ELAVL2: variants seen among roughly 807,000 people sequenced by gnomAD.
ELAVL2 encodes the protein ELAV-like protein 2.
Under a neutral mutation model 34.6 loss-of-function variants are expected in ELAVL2, and 4 were observed. The observed-to-expected ratio is 0.12, with a 90% confidence interval of 0.06 to 0.26. ELAVL2 has a LOEUF of 0.26. Among genes scored for constraint, ELAVL2 ranks in the 10% least tolerant of loss-of-function variants. The pLI is 1.00. For missense variants in ELAVL2, 432 were observed against 442.8 expected, an observed-to-expected ratio of 0.98 and a Z score of 0.22; for synonymous variants, 193 against 154.8, an observed-to-expected ratio of 1.25 and a Z score of -1.83.
the ELAVL2 span, among the ~76,000 whole-genome samples, chr9:23,835,019 G>A: frequency 6.6e-6 from 1 of 152,012 alleles, no homozygotes; most frequent in Non-Finnish European, 1.5e-5. Flanking sequence ...GGGCATAACA[G>A]AGGCATTAGG....
rs1337665532 is a variant in ELAVL2, at chr9:23,754,284, T to A, written c.229+7722A>T. 2.0e-5 allele frequency among the ~76,000 whole-genome samples: 3 copies of A among 152,262 alleles called. No homozygotes were observed. In the South Asian group the frequency reaches 6.2e-4, roughly 32 times the overall value. On this transcript the variant is annotated intron_variant, in intron 2 of 6. Coordinates refer to ENST00000397312, the MANE Select transcript of ELAVL2 (RefSeq NM_004432.5). Reference sequence around the variant, plus strand: ...ATACTTTTCTGTATCCTCAAATAGATGTTTCTTCATCCTAGCAACTAGCCA... The same window carrying A: ...ATACTTTTCTGTATCCTCAAATAGAAGTTTCTTCATCCTAGCAACTAGCCA...
chr9:23,697,050 GA>G (rs1391652891), intron 5 of ELAVL2, among the ~76,000 whole-genome samples: 1 of 152,008 alleles, frequency 6.6e-6, no homozygotes, highest in Admixed American at 6.6e-5. Flanking sequence ...AGCAATCATC[GA>G]AGGGGAGAGG....
At chr9:23,780,185 A>G (rs754806408) in intron 1 of ELAVL2, among the ~76,000 whole-genome samples, 20 of 151,998 alleles carry the variant, frequency 1.3e-4, no homozygotes, top group Non-Finnish European at 2.4e-4. Context: ...TGAACTGAGA[A>G]CAGATCAACA....
At chr9:23,811,670 T>C (rs2063022852) in intron 1 of ELAVL2, among the ~76,000 whole-genome samples, 1 of 152,186 alleles carries the variant, frequency 6.6e-6, no homozygotes, top group African/African-American at 2.4e-5. Flanking sequence ...TGCTGGCACA[T>C]AATGTTGTCA....
chr9:23,762,760 T>C (rs1401257992), intron 1 of ELAVL2, among the ~76,000 whole-genome samples: 1 of 152,152 alleles, frequency 6.6e-6, no homozygotes, highest in Non-Finnish European at 1.5e-5. Flanking sequence ...AAGAGTACTT[T>C]TAAAAATATA....
At chr9:23,808,113 C>G (rs1023749988) in intron 1 of ELAVL2, among the ~76,000 whole-genome samples, 2 of 152,142 alleles carry the variant, frequency 1.3e-5, no homozygotes, top group East Asian at 3.9e-4. Flanking sequence ...GGACCTCTGT[C>G]TATCCTTATG....
the ELAVL2 span, among the ~76,000 whole-genome samples, chr9:23,833,552 T>G: frequency 6.6e-6 from 1 of 151,830 alleles, no homozygotes; most frequent in Non-Finnish European, 1.5e-5. Context: ...TAAGATAATT[T>G]TAAGAAGTGA....
intron 5 of ELAVL2, among the ~76,000 whole-genome samples, chr9:23,695,999 A>G (rs2035047309): frequency 6.6e-6 from 1 of 152,152 alleles, no homozygotes; most frequent in Non-Finnish European, 1.5e-5. Flanking sequence ...CCTCCAAATT[A>G]TGATAGGGCA....
intron 5 of ELAVL2, among the ~76,000 whole-genome samples, chr9:23,700,798 C>A (rs118171352): frequency 0.016 from 2,394 of 152,050 alleles, 28 homozygotes; most frequent in Non-Finnish European, 0.025. Flanking sequence ...AGGTTATATA[C>A]CCTTAATGGT....
intron 1 of ELAVL2, among the ~76,000 whole-genome samples, chr9:23,808,932 A>C (rs796746343): frequency 2.9e-4 from 44 of 152,312 alleles, no homozygotes; most frequent in African/African-American, 1.0e-3. Flanking sequence ...ATTTTACCCA[A>C]CAAAATCTCT....
chr9:23,729,206 T>G (rs937529979), intron 3 of ELAVL2, among the ~76,000 whole-genome samples: 1 of 152,106 alleles, frequency 6.6e-6, no homozygotes, highest in African/African-American at 2.4e-5. Context: ...TAGAATGAAA[T>G]AAGGGTAATT....
chr9:23,806,858 C>T (rs2062298532), intron 1 of ELAVL2, among the ~76,000 whole-genome samples: 1 of 152,136 alleles, frequency 6.6e-6, no homozygotes, highest in South Asian at 2.1e-4. Flanking sequence ...CCTGCTGTCC[C>T]TGTAATGCCA....
chr9:23,796,901 C>T (rs1483638740), intron 1 of ELAVL2, among the ~76,000 whole-genome samples: 1 of 152,128 alleles, frequency 6.6e-6, no homozygotes, highest in African/African-American at 2.4e-5. Context: ...TTCATTTTAA[C>T]CCCATTTTCC....
At chr9:23,806,466 T>C (rs1467740771) in intron 1 of ELAVL2, among the ~76,000 whole-genome samples, 2 of 151,894 alleles carry the variant, frequency 1.3e-5, no homozygotes, top group African/African-American at 2.4e-5. Flanking sequence ...TGAGACCCCA[T>C]CTCTACAAAA....
At chr9:23,820,161 C>T (rs2064349486) in intron 1 of ELAVL2, among the ~76,000 whole-genome samples, 1 of 152,178 alleles carries the variant, frequency 6.6e-6, no homozygotes, top group South Asian at 2.1e-4. Context: ...TGAGAAAACT[C>T]TTCAAGGGCA....
intron 1 of ELAVL2, among the ~76,000 whole-genome samples, chr9:23,803,602 C>G (rs1428337181): frequency 6.6e-6 from 1 of 152,176 alleles, no homozygotes; most frequent in Non-Finnish European, 1.5e-5. Context: ...CCAAGGCTGG[C>G]TCTCTCAAAC....
intron 1 of ELAVL2, among the ~76,000 whole-genome samples, chr9:23,772,976 C>T (rs1034378903): frequency 6.6e-6 from 1 of 152,012 alleles, no homozygotes; most frequent in African/African-American, 2.4e-5. Context: ...CTTTAAAAAC[C>T]GACATCCCAG....
intron 1 of ELAVL2, among the ~76,000 whole-genome samples, chr9:23,782,332 C>G (rs1423894520): frequency 6.6e-6 from 1 of 151,958 alleles, no homozygotes; most frequent in Non-Finnish European, 1.5e-5. Flanking sequence ...CAAAAACATG[C>G]AAGACCAGCC....
At chr9:23,838,385 G>C in the ELAVL2 span, among the ~76,000 whole-genome samples, 23 of 152,232 alleles carry the variant, frequency 1.5e-4, no homozygotes, top group East Asian at 3.9e-3. Flanking sequence ...GTAAGGACCA[G>C]TGACCTCTTA....
Sources: gnomAD v4.1 joint callset for allele counts (sites outside exome capture counted in the v4.1 genomes callset) on GRCh38, gnomAD v4.1.1 for gene constraint, MANE v1.5 for transcripts, NCBI Gene and HGNC (gene_info 2026-07-23, HGNC 2026-07-21) for gene names.